Variants in MYT1L observed in about 807,000 individuals in gnomAD.
The protein encoded by MYT1L is myelin transcription factor 1-like protein.
MYT1L carries 12 observed loss-of-function variants against 126.7 expected under a neutral mutation model. The observed-to-expected ratio is 0.09, with a 90% CI of 0.06 to 0.15. The LOEUF (loss-of-function observed/expected upper bound fraction) is 0.15. Ranked by LOEUF, MYT1L falls within the 10% of genes least tolerant of loss-of-function variation. The pLI is 1.00. For synonymous variants in MYT1L, 541 were observed against 604.2 expected (o/e 0.90, Z 1.53); for missense variants, 979 against 1,585.2 (o/e 0.62, Z 6.49).
chr2:2,320,013 G>T (rs1203797856), intron 1 of MYT1L, among the ~76,000 whole-genome samples: 1 of 152,118 alleles, frequency 6.6e-6, no homozygotes, highest in Non-Finnish European at 1.5e-5. Flanking sequence ...AGTGAGGAGA[G>T]CCCCTGCCTG....
At chr2:1,987,026 G>A (rs1249534304) in intron 5 of MYT1L, among the ~76,000 whole-genome samples, 2 of 152,142 alleles carry the variant, frequency 1.3e-5, no homozygotes, top group African/African-American at 4.8e-5. Context: ...TGTTGTTTCA[G>A]CCCTGAGCAT....
At chr2:1,826,241 TAGA>T (rs2039315597) in intron 21 of MYT1L, 1 of 152,316 alleles carries the variant, frequency 6.6e-6, no homozygotes, top group South Asian at 2.1e-4. Context: ...GAGAACAAAC[TAGA>T]AGACCGGCAC....
At chr2:2,318,977 A>C (rs1362908001) in intron 1 of MYT1L, among the ~76,000 whole-genome samples, 3 of 152,232 alleles carry the variant, frequency 2.0e-5, no homozygotes, top group African/African-American at 7.2e-5. Flanking sequence ...AGGTATATGC[A>C]ATCAGGTCTG....
chr2:2,093,517 G>A (rs1167665292), intron 3 of MYT1L, among the ~76,000 whole-genome samples: 2 of 151,916 alleles, frequency 1.3e-5, no homozygotes, highest in South Asian at 2.1e-4. Flanking sequence ...CATATCCTTT[G>A]CCCACTTGTT....
At chr2:2,045,545 A>G (rs1252595026) in intron 4 of MYT1L, among the ~76,000 whole-genome samples, 1 of 152,218 alleles carries the variant, frequency 6.6e-6, no homozygotes, top group East Asian at 1.9e-4. Flanking sequence ...TGTGGATGGG[A>G]TCCTCTTTTG....
chr2:1,826,824 G>A (rs1311827697), intron 21 of MYT1L: 1 of 151,516 alleles, frequency 6.6e-6, no homozygotes, highest in Non-Finnish European at 1.5e-5. Context: ...GTTTTCCACA[G>A]GAGTGGCGTG....
chr2:1,850,326 C>T (rs560498161), intron 19 of MYT1L, among the ~76,000 whole-genome samples: 14 of 151,878 alleles, frequency 9.2e-5, no homozygotes, highest in South Asian at 2.1e-4. Flanking sequence ...GTCTGGACTG[C>T]GTACTTTATA....
intron 1 of MYT1L, among the ~76,000 whole-genome samples, chr2:2,319,835 G>A (rs768371697): frequency 5.9e-5 from 9 of 151,646 alleles, no homozygotes; most frequent in Non-Finnish European, 1.3e-4. Context: ...GCAGAAATTT[G>A]TTACTCAGTT....
In MYT1L at chr2:2,329,403, G is replaced by T. The variant is rs541560023; in HGVS notation, c.-521+1564C>A. Among the ~76,000 whole-genome samples, 6 of 152,098 alleles carry T rather than the reference G, an allele frequency of 3.9e-5. No individual in the cohort carries two copies. The East Asian group carries it at 7.7e-4, about 20-fold the overall frequency. On this transcript the variant is annotated intron_variant, in intron 1 of 24. Transcript: ENST00000647738. ...CACGAATCTGAAGACTATATGTACA[G>T]ATCAAAAGACAACAACATAATCCTT...
At chr2:2,095,788 CT>C (rs752935877) in intron 3 of MYT1L, among the ~76,000 whole-genome samples, 31 of 152,198 alleles carry the variant, frequency 2.0e-4, no homozygotes, top group Non-Finnish European at 4.4e-4. Context: ...CGGGCACCCC[CT>C]GACCGCTCAC....
intron 1 of MYT1L, among the ~76,000 whole-genome samples, chr2:2,292,624 G>A (rs1224566153): frequency 6.6e-6 from 1 of 152,090 alleles, no homozygotes; most frequent in African/African-American, 2.4e-5. Context: ...AGACATAGCC[G>A]TCTGTGTGGC....
At chr2:2,283,028 T>C (rs2095471438) in intron 2 of MYT1L, among the ~76,000 whole-genome samples, 1 of 152,194 alleles carries the variant, frequency 6.6e-6, no homozygotes, top group African/African-American at 2.4e-5. Context: ...TGAGCCAAGA[T>C]TGTGCCACTG....
rs554935994 is a variant in MYT1L, at chr2:2,076,381, C to T, written c.-303-22258G>A. Among the ~76,000 whole-genome samples, 27 of 152,316 alleles carry T rather than the reference C, an allele frequency of 1.8e-4. No individual in the cohort carries two copies. In the South Asian group the frequency reaches 5.4e-3, roughly 30 times the overall value. On this transcript the variant is annotated intron_variant, in intron 3 of 24. Coordinates refer to ENST00000647738, the MANE Select transcript of MYT1L (RefSeq NM_001303052.2). Reference sequence around the variant, plus strand: ...TAAGGCAACGCCTTCTCACATAGATCCCCTTGGCAGATGGTAGAAGCTGTT... The same window carrying T: ...TAAGGCAACGCCTTCTCACATAGATTCCCTTGGCAGATGGTAGAAGCTGTT...
intron 4 of MYT1L, among the ~76,000 whole-genome samples, chr2:2,001,660 C>T (rs567326249): frequency 1.2e-4 from 18 of 152,234 alleles, no homozygotes; most frequent in African/African-American, 4.3e-4. Flanking sequence ...ACAATTTGGC[C>T]ATTTTTGCAC....
intron 3 of MYT1L, among the ~76,000 whole-genome samples, chr2:2,076,438 A>G (rs1311705517): frequency 6.6e-6 from 1 of 152,192 alleles, no homozygotes; most frequent in Admixed American, 6.5e-5. Context: ...TCCTCTGGCT[A>G]TTCATTGGCC....
At chr2:1,856,055 A>G (rs559941655) in intron 18 of MYT1L, among the ~76,000 whole-genome samples, 1 of 152,360 alleles carries the variant, frequency 6.6e-6, no homozygotes, top group African/African-American at 2.4e-5. Flanking sequence ...CAACGTGCAG[A>G]ATTCAGGCGA....
At chr2:2,253,368 G>A (rs2094710327) in intron 2 of MYT1L, among the ~76,000 whole-genome samples, 1 of 152,192 alleles carries the variant, frequency 6.6e-6, no homozygotes, top group Non-Finnish European at 1.5e-5. Flanking sequence ...TCCACCTTTG[G>A]CTGAGTCAGC....
intron 3 of MYT1L, among the ~76,000 whole-genome samples, chr2:2,143,390 CCGAGGTGGTCGGTCACT>C (rs2084341946): frequency 6.6e-6 from 1 of 152,006 alleles, no homozygotes; most frequent in Non-Finnish European, 1.5e-5. Context: ...GTGCCTGGGG[CCGAGGTGGTCGGTCACT>C]CTATGTGCAC....
At chr2:1,829,296 C>T (rs74169682) in intron 21 of MYT1L, among the ~76,000 whole-genome samples, 44,513 of 126,562 alleles carry the variant, frequency 0.35, 5,218 homozygotes, top group African/African-American at 0.54. Context: ...CACCTGTGAA[C>T]TGACCCTCCC....
Sources: gnomAD v4.1 joint callset for allele counts (sites outside exome capture counted in the v4.1 genomes callset) on GRCh38, gnomAD v4.1.1 for gene constraint, MANE v1.5 for transcripts, NCBI Gene and HGNC (gene_info 2026-07-23, HGNC 2026-07-21) for gene names.